Variants in HEPACAM2 observed in about 807,000 individuals in gnomAD.
HEPACAM2 encodes HEPACAM family member 2, also known as mitotic kinetics regulator.
A neutral mutation model predicts 49.6 loss-of-function variants in HEPACAM2; 49 were observed. That is an observed-to-expected ratio of 0.99 (90% CI 0.78 to 1.25). HEPACAM2 has a LOEUF of 1.25. Among genes scored for constraint, HEPACAM2 ranks in the 50% most tolerant of loss-of-function variants. HEPACAM2 has a pLI of 0.00. For missense variants in HEPACAM2, 525 were observed against 557.2 expected (o/e 0.94, Z 0.58); for synonymous variants, 197 against 202.9 (o/e 0.97, Z 0.25).
In HEPACAM2 at chr7:93,219,390, C is replaced by A. The variant is rs1379492415; in HGVS notation, c.141G>T (p.Gln47His). The A allele has an allele frequency of 3.7e-6, 6 of 1,613,846 alleles. No homozygotes were observed. The highest frequency in any genetic ancestry group is 5.1e-6 in the Non-Finnish European group (6 of 1,179,930). Residue 47 changes from glutamine to histidine, a missense_variant, in exon 2 of 10, where the codon CAG (glutamine) becomes CAT (histidine). Transcript: ENST00000394468. The part of the protein sequence containing the change: ...PSHTVHGVRG[Q>H]ALYLPVHYGF... ...CATAGTGGACGGGTAGGTAGAGGGC[C>A]TGACCTCTGACGCCATGGACAGTGT...
chr7:93,190,078 A>G (rs1274770018), intron 9 of HEPACAM2, among the ~76,000 whole-genome samples: 2 of 152,054 alleles, frequency 1.3e-5, no homozygotes, highest in Non-Finnish European at 1.5e-5. Flanking sequence ...GAAATCTTTA[A>G]AAGATCGAGT....
intron 3 of HEPACAM2, among the ~76,000 whole-genome samples, 173 bp from the exon 4 acceptor site, chr7:93,209,049 T>C (rs1362428233): frequency 1.3e-5 from 2 of 152,070 alleles, no homozygotes; most frequent in Non-Finnish European, 2.9e-5. Flanking sequence ...ATATGTTTTA[T>C]TCTGATATCG....
chr7:93,219,820 A>G (rs369751015), intron 1 of HEPACAM2, among the ~76,000 whole-genome samples: 2 of 152,384 alleles, frequency 1.3e-5, no homozygotes, highest in African/African-American at 4.8e-5. Context: ...ATATCATATC[A>G]TAATCTAACT....
chr7:93,195,036 A>G (rs1793655021), intron 8 of HEPACAM2, among the ~76,000 whole-genome samples: 1 of 148,708 alleles, frequency 6.7e-6, no homozygotes, highest in Non-Finnish European at 1.5e-5. Context: ...CTTTGGGCCT[A>G]TATGGTAACT....
chr7:93,214,487 T>C (rs1794254603), intron 3 of HEPACAM2, among the ~76,000 whole-genome samples: 2 of 152,138 alleles, frequency 1.3e-5, no homozygotes, highest in African/African-American at 2.4e-5. Flanking sequence ...TGTTTCTCTA[T>C]GAGATTTTCA....
At chr7:93,195,380 C>T (rs1241156670) in intron 8 of HEPACAM2, among the ~76,000 whole-genome samples, 2 of 151,962 alleles carry the variant, frequency 1.3e-5, no homozygotes, top group Non-Finnish European at 2.9e-5. Context: ...GCATGCATAA[C>T]CATGCTTGGC....
chr7:93,209,216 G>A (rs1156263690), intron 3 of HEPACAM2, among the ~76,000 whole-genome samples: 4 of 151,970 alleles, frequency 2.6e-5, no homozygotes, highest in African/African-American at 7.2e-5. Context: ...CTGCCATCTT[G>A]TAGACAAATT....
In HEPACAM2 at chr7:93,219,109, G is replaced by GT. The variant is rs1562833940; in HGVS notation, c.421dup (p.Thr141AsnfsTer3). 5 of 1,613,344 alleles carry GT rather than the reference G, an allele frequency of 3.1e-6. No homozygotes were observed. In the South Asian group the frequency reaches 5.5e-5, roughly 18 times the overall value. On this transcript the variant is annotated frameshift_variant, in exon 2 of 10. Transcript: ENST00000394468. LOFTEE classifies it high-confidence loss of function. ...ACTCACAGGGGACTCACCATCAACC[G>GT]TGACTTGTATCTTCTGACTGGCAGA...
chr7:93,225,939 T>G, intron 1 of HEPACAM2: 1 of 1,390,922 alleles, frequency 7.2e-7, no homozygotes, highest in Non-Finnish European at 9.7e-7. Context: ...CAGTAAACAG[T>G]TTGCAACAAT....
At chr7:93,217,773 T>C (rs750310136) in intron 2 of HEPACAM2, among the ~76,000 whole-genome samples, 13 of 151,858 alleles carry the variant, frequency 8.6e-5, no homozygotes, top group Non-Finnish European at 1.8e-4. Context: ...AAATCTATAA[T>C]ATGCCCAGGT....
At chr7:93,214,773 A>G (rs1391710828) in intron 3 of HEPACAM2, among the ~76,000 whole-genome samples, 1 of 152,206 alleles carries the variant, frequency 6.6e-6, no homozygotes, top group South Asian at 2.1e-4. Flanking sequence ...TGAAAGAAAG[A>G]TGTTATTTTC....
At chr7:93,207,490 G>A (rs1289145410) in intron 4 of HEPACAM2, among the ~76,000 whole-genome samples, 1 of 151,574 alleles carries the variant, frequency 6.6e-6, no homozygotes, top group African/African-American at 2.4e-5. Flanking sequence ...AGAGGGAGAA[G>A]GAGAAGAGAA....
intron 4 of HEPACAM2, among the ~76,000 whole-genome samples, chr7:93,202,031 C>G (rs1557634): frequency 3.1e-4 from 7 of 22,764 alleles, no homozygotes; most frequent in African/African-American, 6.2e-4. Context: ...AAAAAAAAAA[C>G]CAAAAAAAAA....
chr7:93,223,617 T>C (rs1328540425), intron 1 of HEPACAM2, among the ~76,000 whole-genome samples: 1 of 152,184 alleles, frequency 6.6e-6, no homozygotes, highest in East Asian at 1.9e-4. Flanking sequence ...TGCTTTCTTA[T>C]TAAATGAAAA....
At chr7:93,227,542 C>T (rs529017324), upstream of HEPACAM2, among the ~76,000 whole-genome samples, 1 of 152,152 alleles carries the variant, frequency 6.6e-6, no homozygotes, top group Non-Finnish European at 1.5e-5. Flanking sequence ...TGGAAACACT[C>T]TTTGCATTAG....
chr7:93,216,862 C>G (rs1031522125), intron 2 of HEPACAM2, among the ~76,000 whole-genome samples: 2 of 152,154 alleles, frequency 1.3e-5, no homozygotes, highest in Admixed American at 1.3e-4. Context: ...AATGCATCTT[C>G]CTCAGGTAGA....
intron 4 of HEPACAM2, among the ~76,000 whole-genome samples, chr7:93,201,394 C>T (rs1478229994): frequency 1.3e-5 from 2 of 151,942 alleles, no homozygotes; most frequent in African/African-American, 2.4e-5. Flanking sequence ...TTCCTTTGCT[C>T]TCTCCTTTCT....
chr7:93,222,923 C>T (rs1794477481), intron 1 of HEPACAM2, among the ~76,000 whole-genome samples: 1 of 152,104 alleles, frequency 6.6e-6, no homozygotes, highest in Admixed American at 6.6e-5. Flanking sequence ...AGTTGTCAAT[C>T]CTTGGATATC....
chr7:93,203,902 T>C (rs1451284980), intron 4 of HEPACAM2, among the ~76,000 whole-genome samples: 4 of 152,118 alleles, frequency 2.6e-5, no homozygotes. Context: ...CACTCCATCA[T>C]AGGCCCACTG....
Sources: gnomAD v4.1 joint callset for allele counts (sites outside exome capture counted in the v4.1 genomes callset) on GRCh38, gnomAD v4.1.1 for gene constraint, MANE v1.5 for transcripts, NCBI Gene and HGNC (gene_info 2026-07-23, HGNC 2026-07-21) for gene names.